Variants in ZW10 observed in about 807,000 individuals in gnomAD.
The protein encoded by ZW10 is zw10 kinetochore protein, also known as centromere/kinetochore protein zw10 homolog.
Under a neutral mutation model 87.8 loss-of-function variants are expected in ZW10, and 53 were observed. That is an observed-to-expected ratio of 0.60 (90% confidence interval 0.48 to 0.76). ZW10 has a LOEUF of 0.76. Among genes scored for constraint, ZW10 ranks in the 30% least tolerant of loss-of-function variants. ZW10 has a pLI of 0.00. For missense variants in ZW10, 837 were observed against 923.0 expected, an observed-to-expected ratio of 0.91 and a Z score of 1.21; for synonymous variants, 312 against 329.2, an observed-to-expected ratio of 0.95 and a Z score of 0.57.
chr11:113,768,713 C>T, intron 2 of ZW10, 120 bp downstream of exon 2: 1 of 1,034,314 alleles, frequency 9.7e-7, no homozygotes, highest in Non-Finnish European at 1.4e-6. Context: ...TTAGTTCAAT[C>T]TCCATTTACC....
Position 113,756,897 on chromosome 11 carries a change from A to AT in ZW10, c.925+764dup, listed in dbSNP as rs530997796. 2.4e-4 allele frequency among the ~76,000 whole-genome samples: 37 copies of AT among 151,780 alleles called. No homozygotes were observed. In the South Asian group the frequency reaches 6.7e-3, roughly 27 times the overall value. On this transcript the variant is annotated intron_variant, in intron 7 of 15. Transcript: ENST00000200135. Reference sequence around the variant, plus strand: ...TTCTGAAGTTTATGCAAGCCTTAGGATTTTTTTTTCTCTGCTCTCATCAAA... The same window carrying AT: ...TTCTGAAGTTTATGCAAGCCTTAGGATTTTTTTTTTCTCTGCTCTCATCAAA...
intron 1 of ZW10, among the ~76,000 whole-genome samples, 157 bp downstream of exon 1, chr11:113,773,405 C>T (rs796147892): frequency 4.4e-4 from 67 of 152,168 alleles, no homozygotes; most frequent in African/African-American, 1.5e-3. Context: ...TGGGCCCCTC[C>T]ACTCCTCATT....
chr11:113,756,558 T>A (rs904873996), intron 7 of ZW10, among the ~76,000 whole-genome samples: 9 of 152,166 alleles, frequency 5.9e-5, no homozygotes, highest in African/African-American at 2.2e-4. Flanking sequence ...TAGTACTATT[T>A]AAGAGTACAG....
chr11:113,736,274 CA>C (rs113525581), intron 15 of ZW10, among the ~76,000 whole-genome samples: 245 of 136,148 alleles, frequency 1.8e-3, no homozygotes, highest in Middle Eastern at 3.6e-3. Context: ...GACCATGTCT[CA>C]AAAAAAAAAA....
Position 113,741,689 on chromosome 11 carries a change from C to T in ZW10, c.1583+5G>A. 1 of 1,583,896 alleles carries T rather than the reference C, an allele frequency of 6.3e-7. No individual in the cohort carries two copies. Among genetic ancestry groups the T allele is most frequent in the Non-Finnish European group, 8.6e-7 (1 of 1,162,928 alleles). On this transcript the variant is annotated splice_donor_5th_base_variant and intron_variant, in intron 11 of 15. Transcript: ENST00000200135. ...TATATAGAAATGAGATACAGTGGTA[C>T]TTACTTGTGATATGTTGGTACAACA...
chr11:113,758,648 C>T lies in ZW10; in HGVS notation c.639G>A (p.Ser213=), dbSNP rs748850598. ...GCATAGGGGTCTTCTCCTCTTTGTGCGATTGTTCAGTGTATAAATGAAGTT... is the reference window on the plus strand; with the variant it reads ...GCATAGGGGTCTTCTCCTCTTTGTGTGATTGTTCAGTGTATAAATGAAGTT... ...QTELHLYTEQ[S]HKEEKTPMPP... is the part of the protein sequence containing the mutation. Residue 213 remains serine, a synonymous_variant, in exon 6 of 16, where the codon TCG becomes TCA. Coordinates refer to ENST00000200135, the MANE Select transcript of ZW10 (RefSeq NM_004724.4). The T allele has an allele frequency of 5.7e-5, 92 of 1,613,774 alleles. No individual in the cohort carries two copies. Among genetic ancestry groups the T allele is most frequent in the Admixed American group, 1.0e-4 (6 of 59,976 alleles).
Position 113,738,292 on chromosome 11 carries a change from T to C in ZW10, c.1856A>G (p.Tyr619Cys), listed in dbSNP as rs754655573. The C allele has an allele frequency of 6.2e-7, 1 of 1,612,748 alleles. No individual in the cohort carries two copies. Residue 619 changes from tyrosine (Y) to cysteine (C), a missense_variant, in exon 13 of 16, where the codon TAT becomes TGT. Coordinates refer to ENST00000200135, the MANE Select transcript of ZW10 (RefSeq NM_004724.4). ...CCGGACTGCTTTACTTGCTGCAGAA[T>C]AATTCTCTTCATCGTCCATATTTGA... ...NFSNMDDEEN[Y>C]SAASKAVRQV...
intron 2 of ZW10, among the ~76,000 whole-genome samples, chr11:113,764,850 T>C (rs1001833528): frequency 2.0e-5 from 3 of 152,226 alleles, no homozygotes; most frequent in African/African-American, 7.2e-5. Flanking sequence ...GATTTTCCTC[T>C]TAGTTCTCTA....
rs1953621780 is a variant in ZW10, at chr11:113,741,752, A to G, written c.1525T>C (p.Phe509Leu). Residue 509 changes from phenylalanine to leucine, a missense_variant, in exon 11 of 16, where the codon TTC (phenylalanine) becomes CTC (leucine). Phe to Leu is a conservative substitution (Grantham distance 22). Coordinates refer to ENST00000200135, the MANE Select transcript of ZW10 (RefSeq NM_004724.4). ...TGGAAGATATTCCTCACTGAGTAGA[A>G]AAGTTGAACAGCACTAAAAAGAAAA... Reference protein sequence around the residue: ...TSSDQCAVQLFYSVRNIFHLF... With the variant: ...TSSDQCAVQLLYSVRNIFHLF... 2 of 1,608,322 alleles carry G rather than the reference A, an allele frequency of 1.2e-6. No individual in the cohort carries two copies. The highest frequency in any genetic ancestry group is 1.7e-6 in the Non-Finnish European group (2 of 1,177,582).
chr11:113,750,594 G>A (rs996966666), intron 7 of ZW10, among the ~76,000 whole-genome samples: 15 of 152,070 alleles, frequency 9.9e-5, no homozygotes, highest in South Asian at 2.1e-4. Context: ...ATGAGCCACC[G>A]CGCCTGGCTA....
intron 9 of ZW10, among the ~76,000 whole-genome samples, chr11:113,747,169 A>G (rs1953687037): frequency 6.6e-6 from 1 of 152,144 alleles, no homozygotes; most frequent in Non-Finnish European, 1.5e-5. Flanking sequence ...AGAGGATATA[A>G]TTTCTGGACA....
chr11:113,772,818 CAAAA>C lies in ZW10; in HGVS notation c.105+740_105+743del, dbSNP rs58651654. Reference sequence around the variant, plus strand: ...TGAAACTCCGTCTGTACTAAAAATACAAAAAAAAAAAAAAAAAAATTAGCCAGGC... The same window carrying C: ...TGAAACTCCGTCTGTACTAAAAATACAAAAAAAAAAAAAAATTAGCCAGGC... On this transcript the variant is annotated intron_variant, in intron 1 of 15. Transcript: ENST00000200135. 6.2e-4 allele frequency among the ~76,000 whole-genome samples: 58 copies of C among 93,540 alleles called. 1 individual carries two copies. Among genetic ancestry groups the C allele is most frequent in the Non-Finnish European group, 9.2e-5 (4 of 43,498 alleles). The allele number at this position is 93,540 out of a possible 152,430, so 61.4% of individuals were successfully genotyped here.
intron 7 of ZW10, among the ~76,000 whole-genome samples, chr11:113,754,013 G>T (rs1476099298): frequency 2.6e-5 from 4 of 152,192 alleles, no homozygotes; most frequent in Non-Finnish European, 5.9e-5. Flanking sequence ...CTAAACAATA[G>T]ATTTTTAGTG....
chr11:113,744,474 C>CAGT (rs1302785298), intron 9 of ZW10, among the ~76,000 whole-genome samples: 4 of 152,186 alleles, frequency 2.6e-5, no homozygotes, highest in Non-Finnish European at 4.4e-5. Context: ...TACGGCTCTA[C>CAGT]AGAGTAATTA....
At chr11:113,756,461 A>G (rs930341080) in intron 7 of ZW10, among the ~76,000 whole-genome samples, 3 of 152,238 alleles carry the variant, frequency 2.0e-5, no homozygotes, top group East Asian at 1.9e-4. Flanking sequence ...AATAGCATCA[A>G]TAAAGTAGAC....
chr11:113,756,888 A>C (rs1275331630), intron 7 of ZW10, among the ~76,000 whole-genome samples: 1 of 152,190 alleles, frequency 6.6e-6, no homozygotes, highest in Non-Finnish European at 1.5e-5. Flanking sequence ...AGTTTATGCA[A>C]GCCTTAGGAT....
intron 7 of ZW10, among the ~76,000 whole-genome samples, chr11:113,749,399 CA>C (rs2134878201): frequency 6.6e-6 from 1 of 152,172 alleles, no homozygotes; most frequent in African/African-American, 2.4e-5. Context: ...AAAATAGAAG[CA>C]GGGGTGTGTG....
chr11:113,768,372 A>C (rs902705734), intron 2 of ZW10, among the ~76,000 whole-genome samples: 7 of 152,220 alleles, frequency 4.6e-5, no homozygotes, highest in African/African-American at 1.7e-4. Flanking sequence ...ATAAATTTCA[A>C]CAGCCAGGGT....
intron 1 of ZW10, among the ~76,000 whole-genome samples, chr11:113,772,525 G>A (rs1372614173): frequency 6.6e-6 from 1 of 152,088 alleles, no homozygotes; most frequent in Non-Finnish European, 1.5e-5. Context: ...CTGAAGATGT[G>A]GACAAATACT....
Sources: allele counts gnomAD v4.1 joint callset (sites outside exome capture counted in the v4.1 genomes callset), GRCh38; gene constraint gnomAD v4.1.1; transcripts MANE v1.5; gene names NCBI Gene and HGNC (gene_info 2026-07-23, HGNC 2026-07-21).